Variants in CERT1 observed in about 807,000 individuals in gnomAD.
CERT1 encodes the protein ceramide transfer protein.
A neutral mutation model predicts 87.9 loss-of-function variants in CERT1; 31 were observed. That is an observed-to-expected ratio of 0.35 (90% CI 0.27 to 0.48). CERT1 has a LOEUF of 0.48. CERT1 is among the 20% of genes least tolerant of loss of function. The probability of loss-of-function intolerance (pLI) is 0.99; values close to 1 mark genes in which losing one functional copy is unlikely to be tolerated. For missense variants in CERT1, 487 were observed against 758.0 expected, an observed-to-expected ratio of 0.64 and a Z score of 4.20; for synonymous variants, 289 against 250.9, an observed-to-expected ratio of 1.15 and a Z score of -1.44.
intron 7 of CERT1, 51 bp from the exon 8 acceptor site, chr5:75,411,154 C>A: frequency 9.8e-7 from 1 of 1,021,076 alleles, no homozygotes; most frequent in Non-Finnish European, 1.5e-6. Context: ...ATTTTAATTA[C>A]AATGAAGTCT....
intron 2 of CERT1, among the ~76,000 whole-genome samples, chr5:75,473,667 G>A (rs967470578): frequency 6.6e-6 from 1 of 152,122 alleles, no homozygotes; most frequent in African/African-American, 2.4e-5. Flanking sequence ...ATTGTACAAC[G>A]TGGTGACTAT....
At chr5:75,416,762 G>A (rs537262803) in intron 7 of CERT1, 114 bp downstream of exon 7, 1 of 869,078 alleles carries the variant, frequency 1.2e-6, no homozygotes, top group African/African-American at 1.7e-5. Flanking sequence ...AGTATCATCT[G>A]CTATTTCTAT....
At chr5:75,426,236 ACTT>A (rs1254409241) in intron 4 of CERT1, 132 bp downstream of exon 4, 1 of 506,976 alleles carries the variant, frequency 2.0e-6, no homozygotes. Context: ...CTTAAAAAGT[ACTT>A]CTCTAATAAC....
intron 7 of CERT1, among the ~76,000 whole-genome samples, chr5:75,412,184 CT>C (rs766481300): frequency 1.3e-5 from 2 of 151,804 alleles, no homozygotes; most frequent in Non-Finnish European, 2.9e-5. Context: ...TCTTTTCTTT[CT>C]TTTTTTTACC....
chr5:75,457,158 C>T (rs1197734046), intron 3 of CERT1, among the ~76,000 whole-genome samples: 2 of 152,192 alleles, frequency 1.3e-5, no homozygotes, highest in African/African-American at 2.4e-5. Flanking sequence ...TAGCTTCTCT[C>T]ACCTAACGTA....
chr5:75,485,312 C>CAAAAAAAAAAAAAAAAAAAAAAAAA (rs757349878), intron 2 of CERT1, among the ~76,000 whole-genome samples: 74 of 46,436 alleles, frequency 1.6e-3, no homozygotes, highest in Middle Eastern at 0.026. Context: ...CACAAAAATA[C>CAAAAAAAAAAAAAAAAAAAAAAAAA]AAAAAAAAAA....
chr5:75,375,659 A>AAT (rs752562788), downstream of CERT1: 7 of 147,394 alleles, frequency 4.7e-5, no homozygotes, highest in Admixed American at 4.1e-4. Context: ...TATTATATAT[A>AAT]ATATATATAT....
chr5:75,472,269 A>G (rs1765750176), intron 2 of CERT1, among the ~76,000 whole-genome samples: 1 of 152,226 alleles, frequency 6.6e-6, no homozygotes, highest in Non-Finnish European at 1.5e-5. Context: ...ATTATGCAAA[A>G]TTCAACTGAA....
At chr5:75,486,569 T>A (rs1367649689) in intron 2 of CERT1, among the ~76,000 whole-genome samples, 1 of 152,044 alleles carries the variant, frequency 6.6e-6, no homozygotes, top group African/African-American at 2.4e-5. Context: ...TATCTGGAAA[T>A]GATAATGACC....
chr5:75,424,186 G>C (rs1419513710), intron 5 of CERT1, among the ~76,000 whole-genome samples: 7 of 152,078 alleles, frequency 4.6e-5, no homozygotes, highest in Admixed American at 3.9e-4. Flanking sequence ...TTTTAAATAA[G>C]AACTCAATAA....
At chr5:75,373,061 G>C (rs1441029714), downstream of CERT1, 2 of 152,190 alleles carry the variant, frequency 1.3e-5, no homozygotes, top group African/African-American at 4.8e-5. Flanking sequence ...AGTTCTTACA[G>C]CAACAAAGAA....
intron 3 of CERT1, among the ~76,000 whole-genome samples, chr5:75,428,743 G>A (rs984117878): frequency 2.8e-4 from 42 of 151,764 alleles, no homozygotes; most frequent in Admixed American, 2.7e-3. Flanking sequence ...GAAACAAGCT[G>A]TCATTAACCT....
At chr5:75,373,908 G>A (rs1330201447), downstream of CERT1, 1 of 394,566 alleles carries the variant, frequency 2.5e-6, no homozygotes, top group Non-Finnish European at 4.5e-6. Context: ...GTGATTCAAA[G>A]TTGATTTTTT....
At chr5:75,492,546 AT>A in intron 2 of CERT1, among the ~76,000 whole-genome samples, 4 of 152,218 alleles carry the variant, frequency 2.6e-5, no homozygotes, top group Admixed American at 2.6e-4. Context: ...TCAGCAAACA[AT>A]GTCAAGGTGC....
At chr5:75,440,693 T>C (rs1764287139) in intron 3 of CERT1, among the ~76,000 whole-genome samples, 1 of 152,058 alleles carries the variant, frequency 6.6e-6, no homozygotes, top group South Asian at 2.1e-4. Flanking sequence ...ATGACTTACC[T>C]AACTCAGGGC....
chr5:75,473,544 T>C (rs562456193), intron 2 of CERT1, among the ~76,000 whole-genome samples: 89 of 152,156 alleles, frequency 5.8e-4, no homozygotes, highest in African/African-American at 2.0e-3. Context: ...AAATAGAGAG[T>C]AGAATGGTAG....
chr5:75,392,009 T>A (rs1762042909), intron 11 of CERT1, among the ~76,000 whole-genome samples: 1 of 152,218 alleles, frequency 6.6e-6, no homozygotes, highest in African/African-American at 2.4e-5. Context: ...TTAGCTCTTT[T>A]GTCAAAAAGA....
rs1210501741 is a variant in CERT1 at position 75,399,382 on chromosome 5, A to G, written c.1116T>C (p.Tyr372=). The part of the protein sequence containing the change: ...VGTHRFVQKP[Y]SRSSSMSSID... ...TGGAAGACATGGAGGAAGAGCGACTATAGGGCTACCAGAGACAGACAAAGA... is the reference window on the plus strand; with the variant it reads ...TGGAAGACATGGAGGAAGAGCGACTGTAGGGCTACCAGAGACAGACAAAGA... Residue 372 remains tyrosine, a synonymous_variant, in exon 11 of 17, where the codon TAT becomes TAC. Coordinates refer to ENST00000643780, the MANE Select transcript of CERT1 (RefSeq NM_001379029.1). 3.1e-6 allele frequency: 5 copies of G among 1,612,582 alleles called. No individual in the cohort carries two copies. Among genetic ancestry groups the G allele is most frequent in the Admixed American group, 1.7e-5 (1 of 59,978 alleles).
In CERT1 at chr5:75,384,687, C is replaced by T; in HGVS notation, c.1443G>A (p.Val481=). The change falls in exon 14 of 17, where the codon GTG becomes GTA. Residue 481 remains valine, a synonymous_variant. Coordinates refer to ENST00000643780, the MANE Select transcript of CERT1 (RefSeq NM_001379029.1). ...WETTIENFHV[V]ETLADNAIII... ...TGATTGCATTATCAGCTAATGTTTC[C>T]ACCACATGAAAGTTTTCTATAGTTG... The T allele has an allele frequency of 6.2e-7, 1 of 1,604,440 alleles. No homozygotes were observed. Among genetic ancestry groups the T allele is most frequent in the Non-Finnish European group, 8.5e-7 (1 of 1,171,802 alleles).
Sources: gnomAD v4.1 joint callset for allele counts (sites outside exome capture counted in the v4.1 genomes callset) on GRCh38, gnomAD v4.1.1 for gene constraint, MANE v1.5 for transcripts, NCBI Gene and HGNC (gene_info 2026-07-23, HGNC 2026-07-21) for gene names.